Variants in SLCO1A2 observed in about 807,000 individuals in gnomAD.
The protein encoded by SLCO1A2 is solute carrier organic anion transporter family member 1A2, also known as OATP-1.
Under a neutral mutation model 69.0 loss-of-function variants are expected in SLCO1A2, and 67 were observed. The ratio of observed to expected loss-of-function variants is 0.97; its 90% CI spans 0.80 to 1.19. SLCO1A2 has a LOEUF of 1.19. Ranked by LOEUF, SLCO1A2 falls within the 50% of genes most tolerant of loss-of-function variation. SLCO1A2 has a pLI of 0.00. For synonymous variants in SLCO1A2, 260 were observed against 265.9 expected, an observed-to-expected ratio of 0.98 and a Z score of 0.22; for missense variants, 787 against 793.7, an observed-to-expected ratio of 0.99 and a Z score of 0.10.
intron 8 of SLCO1A2, among the ~76,000 whole-genome samples, chr12:21,297,801 C>A (rs755012445): frequency 6.6e-6 from 1 of 152,096 alleles, no homozygotes; most frequent in South Asian, 2.1e-4. Context: ...ACAGTTTTGC[C>A]CTCAATAAGT....
intron 8 of SLCO1A2, among the ~76,000 whole-genome samples, chr12:21,299,865 TAC>T (rs1948414347): frequency 3.3e-5 from 4 of 120,994 alleles, no homozygotes; most frequent in South Asian, 2.7e-4. Flanking sequence ...TATATATATA[TAC>T]GTGTGTGTAT....
At position 21,264,607 on chromosome 12, in the gene SLCO1A2, T is replaced by G. The variant is rs1475933180; in HGVS notation, c.*4941A>C. 6.6e-6 allele frequency: 1 copy of G among 152,182 alleles called. No homozygotes were observed. Among genetic ancestry groups the G allele is most frequent in the Non-Finnish European group, 1.5e-5 (1 of 68,028 alleles). The allele number at this position is 152,182 out of a possible 1,614,324, so 9.4% of individuals were successfully genotyped here. A position where few individuals can be genotyped will look rare whatever the true frequency, so the allele number is the denominator to read the frequency against. On this transcript the variant is annotated 3_prime_UTR_variant, in exon 15 of 15. Coordinates refer to ENST00000683939, the MANE Select transcript of SLCO1A2 (RefSeq NM_001386879.1). ...GATATGATTAAGCCAATGTAAACATTGTTAAAAAATTTATTTGCAATTTTT... is the reference window on the plus strand; with the variant it reads ...GATATGATTAAGCCAATGTAAACATGGTTAAAAAATTTATTTGCAATTTTT...
chr12:21,288,012 A>T (rs58275036), intron 12 of SLCO1A2, among the ~76,000 whole-genome samples: 1,585 of 53,964 alleles, frequency 0.029, 26 homozygotes, highest in African/African-American at 0.088. Flanking sequence ...AAAGTATAAT[A>T]AAAAAAAAAA....
At chr12:21,372,464 C>T (rs1939870246) in intron 2 of SLCO1A2, among the ~76,000 whole-genome samples, 1 of 152,114 alleles carries the variant, frequency 6.6e-6, no homozygotes, top group Admixed American at 6.5e-5. Context: ...TTTTATACAC[C>T]TTTCCCTTAT....
chr12:21,305,464 C>T (rs565400633), intron 5 of SLCO1A2, among the ~76,000 whole-genome samples: 121 of 152,304 alleles, frequency 7.9e-4, no homozygotes, highest in Non-Finnish European at 1.5e-3. Flanking sequence ...GCTATCTCTC[C>T]ATTATTTCCA....
At chr12:21,410,071 C>T (rs2137204505) in intron 1 of SLCO1A2, among the ~76,000 whole-genome samples, 1 of 152,238 alleles carries the variant, frequency 6.6e-6, no homozygotes. Flanking sequence ...TGTTCTTTTT[C>T]AGGCATGGTA....
chr12:21,382,027 CAT>C (rs541239771), intron 1 of SLCO1A2, among the ~76,000 whole-genome samples: 10 of 152,126 alleles, frequency 6.6e-5, no homozygotes, highest in Non-Finnish European at 1.5e-4. Flanking sequence ...CACTTGCACA[CAT>C]ATGTTTATAG....
intron 2 of SLCO1A2, among the ~76,000 whole-genome samples, chr12:21,321,436 G>A (rs770413492): frequency 7.2e-5 from 11 of 151,998 alleles, no homozygotes; most frequent in Admixed American, 3.3e-4. Flanking sequence ...TCTTTCACAC[G>A]CCACCTCCAC....
chr12:21,378,173 C>T lies in SLCO1A2; in HGVS notation c.-189-3648G>A. On this transcript the variant is annotated intron_variant, in intron 1 of 15. Transcript: ENST00000307378. ...TTCATCAATACAAGATATTTGATGT[C>T]ACATGGCTGGATCCAGCTAAAATTC... The T allele has an allele frequency of 2.8e-6, 4 of 1,424,674 alleles. No homozygotes were observed. The East Asian group carries it at 9.1e-5, about 32-fold the overall frequency. The allele number at this position is 1,424,674 out of a possible 1,614,324, so 88.3% of individuals were successfully genotyped here. A position where few individuals can be genotyped will look rare whatever the true frequency, so the allele number is the denominator to read the frequency against.
chr12:21,341,341 T>C (rs1953061808), intron 2 of SLCO1A2, among the ~76,000 whole-genome samples: 1 of 152,048 alleles, frequency 6.6e-6, no homozygotes, highest in African/African-American at 2.4e-5. Context: ...CTGTGGTTGA[T>C]TTTATTTTTC....
chr12:21,297,059 T>C lies in SLCO1A2; in HGVS notation c.1075+345A>G, dbSNP rs376877773. 2.6e-5 allele frequency among the ~76,000 whole-genome samples: 4 copies of C among 152,272 alleles called. 1 individual carries two copies. The highest frequency in any genetic ancestry group is 9.6e-5 in the African/African-American group (4 of 41,578). ...TGGAACCAAAAAGAGTAAAATTTGG[T>C]AGTAAAATGCACAATCCTATCTGAA... On this transcript the variant is annotated intron_variant, in intron 9 of 14. Transcript: ENST00000683939.
chr12:21,413,393 C>G (rs1031426618), intron 1 of SLCO1A2, among the ~76,000 whole-genome samples: 1 of 151,650 alleles, frequency 6.6e-6, no homozygotes, highest in Non-Finnish European at 1.5e-5. Flanking sequence ...AGGCGCGCGC[C>G]ACCATGCCTG....
intron 1 of SLCO1A2, among the ~76,000 whole-genome samples, chr12:21,389,627 T>C (rs981878616): frequency 2.0e-5 from 3 of 152,002 alleles, no homozygotes; most frequent in Non-Finnish European, 4.4e-5. Flanking sequence ...AAATCAAAGA[T>C]TTTTTGACAT....
Position 21,268,384 on chromosome 12 carries a change from C to T in SLCO1A2, c.*1164G>A, listed in dbSNP as rs1942288143. The T allele has an allele frequency of 6.6e-6, 1 of 152,058 alleles. No homozygotes were observed. The highest frequency in any genetic ancestry group is 6.6e-5 in the Admixed American group (1 of 15,242). 9.4% of individuals were successfully genotyped at this position (152,058 alleles called of 1,614,324 possible). On this transcript the variant is annotated 3_prime_UTR_variant, in exon 15 of 15. Transcript: ENST00000683939. ...CCCTTCCTTACTCCATTCTCTTCAT[C>T]CATTAGGGATTTATGTCATTCTTAT...
intron 6 of SLCO1A2, among the ~76,000 whole-genome samples, chr12:21,301,717 T>C (rs934458499): frequency 6.6e-6 from 1 of 152,200 alleles, no homozygotes; most frequent in African/African-American, 2.4e-5. Flanking sequence ...TGAAACTTCC[T>C]TCTGGCTATG....
intron 2 of SLCO1A2, among the ~76,000 whole-genome samples, chr12:21,329,215 T>G (rs1310328034): frequency 6.6e-6 from 1 of 152,220 alleles, no homozygotes; most frequent in East Asian, 1.9e-4. Flanking sequence ...CTGATTATAT[T>G]GATCTACAAA....
intron 2 of SLCO1A2, chr12:21,373,812 T>G: frequency 1.6e-6 from 1 of 625,416 alleles, no homozygotes; most frequent in South Asian, 2.0e-5. Context: ...TTATACCAAG[T>G]GGATTCTTTT....
chr12:21,295,672 TACTC>T lies in SLCO1A2; in HGVS notation c.1192_1195del (p.Glu398IlefsTer10). On this transcript the variant is annotated frameshift_variant, in exon 10 of 15. Coordinates refer to ENST00000683939, the MANE Select transcript of SLCO1A2 (RefSeq NM_001386879.1). LOFTEE classifies it high-confidence loss of function. ...GAGAAAAGATAAAAAATAGAGAAGA[TACTC>T]AAGTAAGGATAACCAACATCCTATG... 1 of 1,606,716 alleles carries T rather than the reference TACTC, an allele frequency of 6.2e-7. No homozygotes were observed. The highest frequency in any genetic ancestry group is 8.5e-7 in the Non-Finnish European group (1 of 1,173,652).
upstream of SLCO1A2, among the ~76,000 whole-genome samples, chr12:21,338,661 A>T (rs12296813): frequency 0.018 from 2,767 of 151,936 alleles, 68 homozygotes; most frequent in African/African-American, 0.057. Flanking sequence ...AATATCAACT[A>T]TGTCATTTCT....
Sources: gnomAD v4.1 joint callset for allele counts (sites outside exome capture counted in the v4.1 genomes callset) on GRCh38, gnomAD v4.1.1 for gene constraint, MANE v1.5 for transcripts, NCBI Gene and HGNC (gene_info 2026-07-23, HGNC 2026-07-21) for gene names.